SPMIP3: variants seen among roughly 807,000 people sequenced by gnomAD.
SPMIP3 encodes the protein sperm microtubule inner protein 3, also known as protein SPMIP3.
the SPMIP3 span, among the ~76,000 whole-genome samples, chr1:244,379,944 G>A: frequency 1.4e-5 from 2 of 139,596 alleles, no homozygotes; most frequent in Non-Finnish European, 3.1e-5. Flanking sequence ...CTCCAGCCTG[G>A]GCAACAGGAG....
the SPMIP3 span, among the ~76,000 whole-genome samples, chr1:244,378,055 C>T: frequency 6.6e-6 from 1 of 152,286 alleles, no homozygotes; most frequent in South Asian, 2.1e-4. Flanking sequence ...GATCTGCCCC[C>T]ATCAGCCTCC....
chr1:244,372,148 C>T, the SPMIP3 span, among the ~76,000 whole-genome samples: 1 of 152,166 alleles, frequency 6.6e-6, no homozygotes, highest in African/African-American at 2.4e-5. Context: ...GAATCTCTTC[C>T]CCAACCCCTT....
chr1:244,360,285 C>T, the SPMIP3 span, among the ~76,000 whole-genome samples: 4 of 152,060 alleles, frequency 2.6e-5, no homozygotes, highest in African/African-American at 9.7e-5. Flanking sequence ...TAAATTAGTA[C>T]AGCCACTATG....
At chr1:244,357,851 G>A in the SPMIP3 span, among the ~76,000 whole-genome samples, 1 of 152,198 alleles carries the variant, frequency 6.6e-6, no homozygotes, top group African/African-American at 2.4e-5. Flanking sequence ...GCCGAGGTGG[G>A]AGGATTGCTT....
the SPMIP3 span, among the ~76,000 whole-genome samples, chr1:244,355,491 G>A: frequency 1.7e-3 from 263 of 151,950 alleles, no homozygotes; most frequent in African/African-American, 6.1e-3. Flanking sequence ...GGGTTCAAGC[G>A]ATTCTCCTGC....
chr1:244,373,563 T>G, the SPMIP3 span, among the ~76,000 whole-genome samples: 1 of 151,210 alleles, frequency 6.6e-6, no homozygotes, highest in Non-Finnish European at 1.5e-5. Context: ...TCAGTAGTTC[T>G]CAAACTTTCA....
the SPMIP3 span, among the ~76,000 whole-genome samples, chr1:244,383,465 T>C: frequency 1.3e-5 from 2 of 152,226 alleles, no homozygotes; most frequent in East Asian, 3.9e-4. Flanking sequence ...GGTATGATTA[T>C]ACTACTGCAC....
At chr1:244,376,201 G>A in the SPMIP3 span, among the ~76,000 whole-genome samples, 1 of 152,132 alleles carries the variant, frequency 6.6e-6, no homozygotes, top group South Asian at 2.1e-4. Flanking sequence ...AGCACGGTCA[G>A]ATTCTTGTTC....
chr1:244,357,467 T>C, the SPMIP3 span, among the ~76,000 whole-genome samples: 2 of 151,498 alleles, frequency 1.3e-5, no homozygotes, highest in Admixed American at 1.3e-4. Flanking sequence ...CCCAGCACTT[T>C]GGGGGGGCCA....
At chr1:244,378,672 G>T in the SPMIP3 span, 1 of 1,588,218 alleles carries the variant, frequency 6.3e-7, no homozygotes, top group Admixed American at 1.7e-5. Context: ...AACTCTCTGA[G>T]ATTAACCTTG....
chr1:244,369,975 G>A, the SPMIP3 span, among the ~76,000 whole-genome samples: 2 of 152,160 alleles, frequency 1.3e-5, no homozygotes, highest in Non-Finnish European at 2.9e-5. Context: ...TATGGGCACA[G>A]CTGCCAGCAT....
chr1:244,382,136 A>G, the SPMIP3 span, among the ~76,000 whole-genome samples: 2 of 152,164 alleles, frequency 1.3e-5, no homozygotes, highest in African/African-American at 4.8e-5. Flanking sequence ...TATCTGCCGA[A>G]TACAGTGACC....
chr1:244,381,864 G>T, the SPMIP3 span, among the ~76,000 whole-genome samples: 1 of 152,212 alleles, frequency 6.6e-6, no homozygotes, highest in Non-Finnish European at 1.5e-5. Flanking sequence ...CCAGGAGGTG[G>T]AAGTTGCAGT....
chr1:244,376,205 C>T, the SPMIP3 span, among the ~76,000 whole-genome samples: 1 of 152,154 alleles, frequency 6.6e-6, no homozygotes. Flanking sequence ...CGGTCAGATT[C>T]TTGTTCTTGC....
chr1:244,358,627 A>G, the SPMIP3 span, among the ~76,000 whole-genome samples: 4 of 149,822 alleles, frequency 2.7e-5, no homozygotes, highest in African/African-American at 7.4e-5. Flanking sequence ...GTGTGTGTGT[A>G]TATATATATA....
At chr1:244,371,321 C>G in the SPMIP3 span, among the ~76,000 whole-genome samples, 1 of 152,210 alleles carries the variant, frequency 6.6e-6, no homozygotes, top group Non-Finnish European at 1.5e-5. Context: ...CTGGGCTGGC[C>G]TCCACAGCCA....
chr1:244,384,973 C>T, the SPMIP3 span, among the ~76,000 whole-genome samples: 1 of 152,192 alleles, frequency 6.6e-6, no homozygotes, highest in African/African-American at 2.4e-5. Context: ...GTGATCTCAG[C>T]TCACCACAAC....
At chr1:244,355,541 C>A in the SPMIP3 span, among the ~76,000 whole-genome samples, 1 of 152,090 alleles carries the variant, frequency 6.6e-6, no homozygotes, top group East Asian at 1.9e-4. Context: ...GCAAGCGCCA[C>A]CACGCCTGGC....
At chr1:244,374,048 G>C in the SPMIP3 span, among the ~76,000 whole-genome samples, 1 of 152,126 alleles carries the variant, frequency 6.6e-6, no homozygotes, top group Non-Finnish European at 1.5e-5. Flanking sequence ...AGGAGGCGGA[G>C]GTTGCAGTGA....
Sources: gnomAD v4.1 joint callset for allele counts (sites outside exome capture counted in the v4.1 genomes callset) on GRCh38, gnomAD v4.1.1 for gene constraint, MANE v1.5 for transcripts, NCBI Gene and HGNC (gene_info 2026-07-23, HGNC 2026-07-21) for gene names.